Variants in DNAJC3 observed in about 807,000 individuals in gnomAD.
DNAJC3 encodes dnaJ homolog subfamily C member 3.
DNAJC3 carries 38 observed loss-of-function variants against 68.6 expected under a neutral mutation model. That is an observed-to-expected ratio of 0.55 (90% confidence interval 0.43 to 0.73). The LOEUF is 0.73. DNAJC3 is among the 30% of genes least tolerant of loss of function. The probability of loss-of-function intolerance (pLI) is 0.00; values close to 1 mark genes in which losing one functional copy is unlikely to be tolerated. For missense variants in DNAJC3, 526 were observed against 591.9 expected (o/e 0.89, Z 1.16); for synonymous variants, 203 against 204.0 (o/e 1.00, Z 0.04).
chr13:95,789,909 T>C (rs1883714886), intron 11 of DNAJC3, among the ~76,000 whole-genome samples: 1 of 152,246 alleles, frequency 6.6e-6, no homozygotes, highest in Non-Finnish European at 1.5e-5. Context: ...CATATGATTG[T>C]TGGCCGCATA....
chr13:95,792,991 A>C lies in DNAJC3; in HGVS notation c.*1961A>C, dbSNP rs1883827913. ...CGACAGTTGCCAACAACAAGGGGTC[A>C]AGGGCCGCACAGGAGATGTGTGGGG... On this transcript the variant is annotated 3_prime_UTR_variant, in exon 12 of 12. Coordinates refer to ENST00000602402, the MANE Select transcript of DNAJC3 (RefSeq NM_006260.5). The C allele has an allele frequency of 1.3e-5, 2 of 152,240 alleles. No individual in the cohort carries two copies. Among genetic ancestry groups the C allele is most frequent in the African/African-American group, 2.4e-5 (1 of 41,468 alleles). 9.4% of individuals were successfully genotyped at this position (152,240 alleles called of 1,614,324 possible).
rs1295681401 is a variant in DNAJC3, at chr13:95,764,383, A to C, written c.1075+430A>C. 6.8e-5 allele frequency among the ~76,000 whole-genome samples: 10 copies of C among 147,354 alleles called. No homozygotes were observed. In the East Asian group the frequency reaches 1.8e-3, roughly 26 times the overall value. The stretch of plus-strand genomic sequence containing the variant: ...TCTCTCTCTCTCTCTCTCTATATAT[A>C]TATATATATATACTCGGTGTGTATA... On this transcript the variant is annotated intron_variant, in intron 9 of 11. Coordinates refer to ENST00000602402, the MANE Select transcript of DNAJC3 (RefSeq NM_006260.5).
intron 1 of DNAJC3, among the ~76,000 whole-genome samples, chr13:95,703,725 G>A (rs555790450): frequency 6.6e-6 from 1 of 152,258 alleles, no homozygotes; most frequent in South Asian, 2.1e-4. Context: ...TGCATAGCTT[G>A]TGTCTGTAAC....
chr13:95,715,495 T>C (rs1209719737), intron 2 of DNAJC3, among the ~76,000 whole-genome samples: 1 of 151,546 alleles, frequency 6.6e-6, no homozygotes, highest in Middle Eastern at 3.4e-3. Context: ...TTTTTTTTTT[T>C]TTTTTGAGAC....
intron 2 of DNAJC3, among the ~76,000 whole-genome samples, chr13:95,715,622 G>A (rs956677346): frequency 4.0e-5 from 6 of 151,664 alleles, no homozygotes; most frequent in African/African-American, 1.5e-4. Flanking sequence ...CGAGCAGCTA[G>A]GAGTATAGGC....
intron 1 of DNAJC3, among the ~76,000 whole-genome samples, chr13:95,700,606 T>G (rs1431776001): frequency 7.9e-5 from 12 of 152,234 alleles, no homozygotes; most frequent in Admixed American, 7.9e-4. Flanking sequence ...GTAAAGTGAA[T>G]TCCAATCAGC....
intron 1 of DNAJC3, among the ~76,000 whole-genome samples, chr13:95,685,883 T>G (rs1880061373): frequency 6.6e-6 from 1 of 152,142 alleles, no homozygotes; most frequent in Non-Finnish European, 1.5e-5. Flanking sequence ...ATTTCTCTGA[T>G]GATTAGTGAT....
intron 1 of DNAJC3, among the ~76,000 whole-genome samples, chr13:95,679,514 T>G (rs748422128): frequency 2.0e-5 from 3 of 152,196 alleles, no homozygotes; most frequent in African/African-American, 4.8e-5. Flanking sequence ...GAACTCTGAC[T>G]TGAATTAGCA....
At chr13:95,680,834 G>A (rs1879891858) in intron 1 of DNAJC3, among the ~76,000 whole-genome samples, 2 of 152,124 alleles carry the variant, frequency 1.3e-5, no homozygotes, top group African/African-American at 2.4e-5. Flanking sequence ...TTATATGGAA[G>A]TATCATGGGA....
At chr13:95,764,377 A>C (rs12863065) in intron 9 of DNAJC3, among the ~76,000 whole-genome samples, 28,229 of 121,870 alleles carry the variant, frequency 0.23, 2,901 homozygotes, top group Admixed American at 0.29. Flanking sequence ...CTCTCTCTCT[A>C]TATATATATA....
chr13:95,702,915 A>G (rs1880622299), intron 1 of DNAJC3, among the ~76,000 whole-genome samples: 3 of 152,214 alleles, frequency 2.0e-5, no homozygotes, highest in African/African-American at 7.2e-5. Context: ...TTACTCCATC[A>G]CCATCCCACT....
chr13:95,680,291 A>T (rs1282005372), intron 1 of DNAJC3, among the ~76,000 whole-genome samples: 1 of 151,960 alleles, frequency 6.6e-6, no homozygotes, highest in Non-Finnish European at 1.5e-5. Context: ...TCTTTATTTC[A>T]TTGAGCTGAT....
intron 1 of DNAJC3, 97 bp downstream of exon 1, chr13:95,677,434 G>A: frequency 7.7e-7 from 1 of 1,299,390 alleles, no homozygotes; most frequent in Non-Finnish European, 1.0e-6. Flanking sequence ...GAGCGGCTCG[G>A]GAGGTGGGGC....
chr13:95,793,725 G>GTGTT lies in DNAJC3; in HGVS notation c.*2696_*2699dup, dbSNP rs143945583. On this transcript the variant is annotated 3_prime_UTR_variant, in exon 12 of 12. Coordinates refer to ENST00000602402, the MANE Select transcript of DNAJC3 (RefSeq NM_006260.5). ...GATCTGCCCGCCTTGGCCTTCCAAA[G>GTGTT]TGTTGGGATTACAGGCGTGAGCCAC... The GTGTT allele has an allele frequency of 0.016, 2,482 of 152,502 alleles. 28 individuals are homozygous for GTGTT. The highest frequency in any genetic ancestry group is 0.029 in the South Asian group (139 of 4,824). The allele number at this position is 152,502 out of a possible 1,614,324, so 9.4% of individuals were successfully genotyped here.
At chr13:95,719,411 A>G (rs915745375) in intron 2 of DNAJC3, among the ~76,000 whole-genome samples, 10 of 152,170 alleles carry the variant, frequency 6.6e-5, no homozygotes, top group Admixed American at 5.2e-4. Context: ...GGCATGATGT[A>G]TTATATCGTT....
At chr13:95,688,570 C>T (rs1413100036) in intron 1 of DNAJC3, among the ~76,000 whole-genome samples, 1 of 151,168 alleles carries the variant, frequency 6.6e-6, no homozygotes, top group African/African-American at 2.4e-5. Flanking sequence ...GGCTGGAGTG[C>T]AGTGGCTCTA....
chr13:95,729,227 T>TCTCCCTCTCCCCCTCCCA (rs1224894220), intron 4 of DNAJC3, among the ~76,000 whole-genome samples: 1 of 69,406 alleles, frequency 1.4e-5, no homozygotes, highest in African/African-American at 5.7e-5. Flanking sequence ...TCCCCCGCCC[T>TCTCCCTCTCCCCCTCCCA]CTCCCTCTCC....
chr13:95,769,824 C>T (rs1883110782), intron 9 of DNAJC3, among the ~76,000 whole-genome samples: 1 of 152,202 alleles, frequency 6.6e-6, no homozygotes. Flanking sequence ...TTGGGATTAG[C>T]ACATTTGCTG....
intron 1 of DNAJC3, among the ~76,000 whole-genome samples, chr13:95,691,700 A>G (rs554511444): frequency 6.6e-6 from 1 of 152,316 alleles, no homozygotes; most frequent in South Asian, 2.1e-4. Flanking sequence ...AGGCCAAGGC[A>G]GGCTGCTGGG....
Sources: gnomAD v4.1 joint callset for allele counts (sites outside exome capture counted in the v4.1 genomes callset) on GRCh38, gnomAD v4.1.1 for gene constraint, MANE v1.5 for transcripts, NCBI Gene and HGNC (gene_info 2026-07-23, HGNC 2026-07-21) for gene names.